Variants in SAMD5 observed in about 807,000 individuals in gnomAD.
SAMD5 encodes sterile alpha motif domain-containing protein 5.
In SAMD5, 13 loss-of-function variants were observed where a neutral mutation model predicts 11.3. The ratio of observed to expected loss-of-function variants is 1.15; its 90% CI spans 0.75 to 1.83. SAMD5 has a LOEUF of 1.83. SAMD5 is among the 40% of genes most tolerant of loss of function. SAMD5 has a pLI of 0.00. For synonymous variants in SAMD5, 129 were observed against 111.3 expected, an observed-to-expected ratio of 1.16 and a Z score of -1.00; for missense variants, 255 against 239.1, an observed-to-expected ratio of 1.07 and a Z score of -0.44.
the SAMD5 span, among the ~76,000 whole-genome samples, chr6:147,770,844 A>T: frequency 3.9e-4 from 60 of 152,312 alleles, no homozygotes; most frequent in East Asian, 5.6e-3. Context: ...AAACTTTAGG[A>T]ACTAGCTACT....
At chr6:147,748,292 A>G in the SAMD5 span, among the ~76,000 whole-genome samples, 1 of 152,206 alleles carries the variant, frequency 6.6e-6, no homozygotes, top group Admixed American at 6.5e-5. Context: ...TTCATCGTTC[A>G]GGAGCACAGG....
intron 1 of SAMD5, among the ~76,000 whole-genome samples, chr6:147,536,996 C>G (rs1378846374): frequency 3.3e-5 from 5 of 152,150 alleles, no homozygotes; most frequent in Admixed American, 1.3e-4. Context: ...GAGACAATAA[C>G]TGTCTGTGGA....
At chr6:147,539,423 A>G (rs1788564206) in intron 1 of SAMD5, among the ~76,000 whole-genome samples, 1 of 152,176 alleles carries the variant, frequency 6.6e-6, no homozygotes, top group Non-Finnish European at 1.5e-5. Flanking sequence ...TATATTTCCT[A>G]CCTAGTTATT....
intron 1 of SAMD5, among the ~76,000 whole-genome samples, chr6:147,728,852 CTCTT>C (rs1352148501): frequency 1.3e-5 from 2 of 151,554 alleles, no homozygotes; most frequent in Non-Finnish European, 2.9e-5. Context: ...TTATAATAAA[CTCTT>C]TATGCAGTTC....
At chr6:147,640,497 C>CAAAAAAAAAAAAAAA (rs1172694444) in intron 1 of SAMD5, among the ~76,000 whole-genome samples, 8 of 24,186 alleles carry the variant, frequency 3.3e-4, no homozygotes, top group South Asian at 4.5e-3. Flanking sequence ...GACTCTGTCG[C>CAAAAAAAAAAAAAAA]AAAAAAAAAA....
chr6:147,827,276 C>T, the SAMD5 span, among the ~76,000 whole-genome samples: 4 of 150,982 alleles, frequency 2.6e-5, no homozygotes, highest in African/African-American at 9.8e-5. Flanking sequence ...AAAACTTGTT[C>T]GTTGCACACA....
chr6:147,726,575 C>T (rs1791631008), intron 1 of SAMD5, among the ~76,000 whole-genome samples: 1 of 152,206 alleles, frequency 6.6e-6, no homozygotes, highest in Non-Finnish European at 1.5e-5. Flanking sequence ...TTTTGCAAAG[C>T]TGTTGTTTGA....
chr6:147,698,427 C>G (rs929212138), intron 1 of SAMD5, among the ~76,000 whole-genome samples: 1 of 152,086 alleles, frequency 6.6e-6, no homozygotes, highest in Non-Finnish European at 1.5e-5. Flanking sequence ...TTCTCCTTTC[C>G]CTTTGATTGT....
chr6:147,917,841 C>T, the SAMD5 span, among the ~76,000 whole-genome samples: 33 of 152,154 alleles, frequency 2.2e-4, no homozygotes, highest in Non-Finnish European at 3.7e-4. Context: ...TTGTTTTTGT[C>T]GGGTTTGTCA....
the SAMD5 span, among the ~76,000 whole-genome samples, chr6:147,806,245 A>G: frequency 6.6e-6 from 1 of 152,214 alleles, no homozygotes; most frequent in Non-Finnish European, 1.5e-5. Context: ...TTAATAATCT[A>G]TGCGGCTACA....
At chr6:147,907,422 A>G in the SAMD5 span, among the ~76,000 whole-genome samples, 9 of 147,598 alleles carry the variant, frequency 6.1e-5, no homozygotes, top group South Asian at 2.2e-4. Context: ...TTAGGTTGGT[A>G]CAAAAGCAAT....
intron 1 of SAMD5, among the ~76,000 whole-genome samples, chr6:147,675,401 G>A (rs1480614701): frequency 6.6e-6 from 1 of 152,166 alleles, no homozygotes; most frequent in Non-Finnish European, 1.5e-5. Context: ...ACCTTGCCAA[G>A]TGAATACCTC....
chr6:147,900,814 T>C, the SAMD5 span, among the ~76,000 whole-genome samples: 1 of 152,232 alleles, frequency 6.6e-6, no homozygotes, highest in Non-Finnish European at 1.5e-5. Flanking sequence ...TTATTATGAT[T>C]TTCAAAAGCA....
chr6:147,750,231 T>G, the SAMD5 span, among the ~76,000 whole-genome samples: 2 of 152,226 alleles, frequency 1.3e-5, no homozygotes, highest in Non-Finnish European at 2.9e-5. Context: ...TCAACATGCA[T>G]AAATAGCATA....
At chr6:147,674,515 A>G (rs762798788) in intron 1 of SAMD5, among the ~76,000 whole-genome samples, 4 of 152,146 alleles carry the variant, frequency 2.6e-5, no homozygotes, top group Admixed American at 6.5e-5. Flanking sequence ...GTCCTTCTCA[A>G]TGCACTCCAA....
chr6:147,565,502 A>G lies in SAMD5; in HGVS notation c.*1046A>G, dbSNP rs1583086083. On this transcript the variant is annotated 3_prime_UTR_variant, in exon 2 of 2. Transcript: ENST00000367474. ...TAGACAGAGTCTCGCTCTGTCACCC[A>G]GGCTGGAGTGTAGTGGCACAATCTT... The G allele has an allele frequency of 6.7e-6, 6 of 896,630 alleles. No individual in the cohort carries two copies. Among genetic ancestry groups the G allele is most frequent in the Non-Finnish European group, 8.0e-6 (6 of 750,974 alleles). The allele number at this position is 896,630 out of a possible 1,614,324, so 55.5% of individuals were successfully genotyped here.
intron 1 of SAMD5, among the ~76,000 whole-genome samples, chr6:147,599,930 C>T (rs906428481): frequency 7.2e-5 from 11 of 151,948 alleles, no homozygotes; most frequent in Admixed American, 7.2e-4. Context: ...GTGTATGGGA[C>T]CAGGAGGTAT....
intron 1 of SAMD5, among the ~76,000 whole-genome samples, chr6:147,698,114 G>A (rs1197136832): frequency 6.6e-6 from 1 of 152,172 alleles, no homozygotes; most frequent in Non-Finnish European, 1.5e-5. Flanking sequence ...TGCTGCCACT[G>A]ATCCAACAGG....
chr6:147,735,963 C>T (rs1474254679), intron 1 of SAMD5, among the ~76,000 whole-genome samples: 1 of 152,064 alleles, frequency 6.6e-6, no homozygotes. Context: ...AGGCTCTTTT[C>T]TCATCTGTAA....
Sources: allele counts gnomAD v4.1 joint callset (sites outside exome capture counted in the v4.1 genomes callset), GRCh38; gene constraint gnomAD v4.1.1; transcripts MANE v1.5; gene names NCBI Gene and HGNC (gene_info 2026-07-23, HGNC 2026-07-21).